CDYL: variants seen among roughly 807,000 people sequenced by gnomAD.
The protein encoded by CDYL is chromodomain Y like.
Under a neutral mutation model 47.3 loss-of-function variants are expected in CDYL, and 8 were observed. The observed-to-expected ratio is 0.17, with a 90% confidence interval of 0.10 to 0.31. The LOEUF is 0.31. Ranked by LOEUF, CDYL falls within the 10% of genes least tolerant of loss-of-function variation. The probability of loss-of-function intolerance (pLI) is 1.00; values close to 1 mark genes in which losing one functional copy is unlikely to be tolerated. For missense variants in CDYL, 471 were observed against 701.4 expected (o/e 0.67, Z 3.71); for synonymous variants, 266 against 265.0 (o/e 1.00, Z -0.04).
chr6:4,717,437 C>T (rs1044985341), intron 2 of CDYL, among the ~76,000 whole-genome samples: 5 of 151,874 alleles, frequency 3.3e-5, no homozygotes, highest in Non-Finnish European at 4.4e-5. Flanking sequence ...GGGTCAGGCA[C>T]GGTGGCTAAA....
intron 1 of CDYL, among the ~76,000 whole-genome samples, chr6:4,778,110 A>T (rs1758518984): frequency 6.6e-6 from 1 of 152,180 alleles, no homozygotes; most frequent in Non-Finnish European, 1.5e-5. Context: ...TCTAGGAAGG[A>T]AAGTGTTGTG....
chr6:4,718,997 C>T (rs962993359), intron 2 of CDYL, among the ~76,000 whole-genome samples: 6 of 151,894 alleles, frequency 4.0e-5, no homozygotes, highest in Non-Finnish European at 8.8e-5. Flanking sequence ...AATCTCGGCT[C>T]ACTGCAACCT....
intron 1 of CDYL, among the ~76,000 whole-genome samples, chr6:4,793,528 C>CT (rs567875119): frequency 2.8e-4 from 42 of 152,112 alleles, no homozygotes; most frequent in African/African-American, 9.9e-4. Context: ...CTAAGAAGTA[C>CT]TTTGAGTTTT....
intron 1 of CDYL, among the ~76,000 whole-genome samples, chr6:4,788,643 C>A (rs755009040): frequency 1.1e-4 from 16 of 151,912 alleles, no homozygotes; most frequent in Non-Finnish European, 2.2e-4. Flanking sequence ...ACCACCCCTC[C>A]CCCACCATAT....
At chr6:4,805,404 G>A (rs191572688) in intron 1 of CDYL, among the ~76,000 whole-genome samples, 85 of 152,320 alleles carry the variant, frequency 5.6e-4, no homozygotes, top group African/African-American at 2.0e-3. Flanking sequence ...CTGGTAATTC[G>A]AATGGCGGAA....
chr6:4,731,144 G>A (rs1041498275), intron 2 of CDYL, among the ~76,000 whole-genome samples: 3 of 152,082 alleles, frequency 2.0e-5, no homozygotes, highest in African/African-American at 2.4e-5. Flanking sequence ...TGTCCGGAAC[G>A]TTACACTTCT....
intron 1 of CDYL, among the ~76,000 whole-genome samples, chr6:4,777,103 T>C (rs1241999414): frequency 8.3e-6 from 1 of 121,016 alleles, no homozygotes. Context: ...GCTCTTGGCG[T>C]GGGTCGTGGA....
chr6:4,831,500 C>A (rs975860962), intron 1 of CDYL, among the ~76,000 whole-genome samples: 34 of 152,058 alleles, frequency 2.2e-4, no homozygotes, highest in African/African-American at 7.5e-4. Context: ...TATAGTTTGA[C>A]GTCAGGTGGC....
chr6:4,823,873 T>G (rs1276489667), intron 1 of CDYL, among the ~76,000 whole-genome samples: 2 of 152,220 alleles, frequency 1.3e-5, no homozygotes, highest in Non-Finnish European at 2.9e-5. Context: ...TCTGTAACCA[T>G]TATGTAAAAA....
intron 3 of CDYL, among the ~76,000 whole-genome samples, chr6:4,740,890 G>A (rs1156433821): frequency 5.9e-5 from 9 of 151,546 alleles, no homozygotes; most frequent in East Asian, 3.9e-4. Flanking sequence ...GGGTTTAAAC[G>A]ATTCTCCTGC....
At chr6:4,829,635 C>A (rs1173386511) in intron 1 of CDYL, among the ~76,000 whole-genome samples, 1 of 152,172 alleles carries the variant, frequency 6.6e-6, no homozygotes, top group Non-Finnish European at 1.5e-5. Context: ...TCTGGGGGTG[C>A]CTGTGGACTT....
chr6:4,709,334 T>C (rs116712934), intron 1 of CDYL, among the ~76,000 whole-genome samples: 1 of 152,094 alleles, frequency 6.6e-6, no homozygotes, highest in African/African-American at 2.4e-5. Flanking sequence ...TAGCTGGAAT[T>C]AAAGGCACTC....
intron 1 of CDYL, among the ~76,000 whole-genome samples, chr6:4,870,376 T>C (rs904667799): frequency 1.3e-5 from 2 of 152,212 alleles, no homozygotes; most frequent in Admixed American, 1.3e-4. Flanking sequence ...GCCATTATAT[T>C]TGTATATATT....
At chr6:4,841,190 T>G (rs1239488200) in intron 1 of CDYL, among the ~76,000 whole-genome samples, 1 of 152,212 alleles carries the variant, frequency 6.6e-6, no homozygotes, top group African/African-American at 2.4e-5. Flanking sequence ...TTTTTTAGTT[T>G]ATGTGCATAA....
chr6:4,778,407 A>G (rs1311027903), intron 1 of CDYL, among the ~76,000 whole-genome samples: 1 of 152,200 alleles, frequency 6.6e-6, no homozygotes, highest in African/African-American at 2.4e-5. Context: ...TTAGTATATT[A>G]TGAACTAAGT....
At chr6:4,880,189 T>G (rs1761727481) in intron 1 of CDYL, among the ~76,000 whole-genome samples, 1 of 152,152 alleles carries the variant, frequency 6.6e-6, no homozygotes, top group Admixed American at 6.5e-5. Context: ...GCCTTTATGT[T>G]TCCTCCTACC....
chr6:4,803,733 AT>A (rs754188736), intron 1 of CDYL, among the ~76,000 whole-genome samples: 19,788 of 119,948 alleles, frequency 0.16, 1,351 homozygotes, highest in African/African-American at 0.26. Context: ...CACTTTCCTG[AT>A]TTTTTTTTTT....
intron 2 of CDYL, among the ~76,000 whole-genome samples, chr6:4,922,558 G>A (rs1464102349): frequency 6.6e-6 from 1 of 152,164 alleles, no homozygotes; most frequent in Non-Finnish European, 1.5e-5. Context: ...CAGCTTTAAC[G>A]AGCAGCACGG....
chr6:4,808,737 A>G (rs976419984), intron 1 of CDYL, among the ~76,000 whole-genome samples: 1 of 152,248 alleles, frequency 6.6e-6, no homozygotes, highest in Admixed American at 6.5e-5. Flanking sequence ...GTCCAAGAAT[A>G]TAGATTTTGT....
Sources: allele counts gnomAD v4.1 joint callset (sites outside exome capture counted in the v4.1 genomes callset), GRCh38; gene constraint gnomAD v4.1.1; transcripts MANE v1.5; gene names NCBI Gene and HGNC (gene_info 2026-07-23, HGNC 2026-07-21).